The following CNTNAP5 variants were observed in gnomAD, a reference collection of about 807,000 sequenced individuals.
CNTNAP5 encodes the protein contactin-associated protein-like 5.
In CNTNAP5, 72 loss-of-function variants were observed where a neutral mutation model predicts 150.2. The observed-to-expected ratio is 0.48, with a 90% confidence interval of 0.40 to 0.58. CNTNAP5 has a LOEUF of 0.58. Among genes scored for constraint, CNTNAP5 ranks in the 20% least tolerant of loss-of-function variants. The pLI is 0.00. For synonymous variants in CNTNAP5, 672 were observed against 619.8 expected (o/e 1.08, Z -1.25); for missense variants, 1,636 against 1,626.2 (o/e 1.01, Z -0.10).
At chr2:124,193,939 C>T (rs1360700904) in intron 1 of CNTNAP5, among the ~76,000 whole-genome samples, 1 of 152,016 alleles carries the variant, frequency 6.6e-6, no homozygotes, top group East Asian at 1.9e-4. Context: ...GAAGTGAGAC[C>T]CAGCAGGACC....
chr2:124,160,278 T>C (rs1382409004), intron 1 of CNTNAP5, among the ~76,000 whole-genome samples: 2 of 152,144 alleles, frequency 1.3e-5, no homozygotes, highest in Admixed American at 6.6e-5. Flanking sequence ...TTCACTCTTT[T>C]ATAAGAGTCT....
intron 3 of CNTNAP5, among the ~76,000 whole-genome samples, chr2:124,356,306 C>CT (rs201900685): frequency 0.043 from 6,029 of 139,966 alleles, 325 homozygotes; most frequent in African/African-American, 0.13. Context: ...ACCTCAACAT[C>CT]TTTTTTTTTT....
chr2:124,426,808 C>T (rs1692248777), intron 4 of CNTNAP5, among the ~76,000 whole-genome samples: 1 of 152,202 alleles, frequency 6.6e-6, no homozygotes, highest in African/African-American at 2.4e-5. Context: ...CAAGCTGTGG[C>T]AGCCAGGTCA....
At chr2:124,899,401 A>G (rs1678371624) in intron 21 of CNTNAP5, among the ~76,000 whole-genome samples, 1 of 151,476 alleles carries the variant, frequency 6.6e-6, no homozygotes, top group African/African-American at 2.4e-5. Context: ...CTGTTTTTAC[A>G]TCACCCTTGG....
At chr2:124,686,970 T>A (rs570062212) in intron 13 of CNTNAP5, among the ~76,000 whole-genome samples, 1 of 152,124 alleles carries the variant, frequency 6.6e-6, no homozygotes, top group Non-Finnish European at 1.5e-5. Flanking sequence ...CTGTCCAATA[T>A]GGCAGCCACT....
At chr2:124,249,362 T>C (rs79003620) in intron 3 of CNTNAP5, among the ~76,000 whole-genome samples, 3,011 of 152,284 alleles carry the variant, frequency 0.02, 31 homozygotes, top group East Asian at 0.031. Context: ...TTTAATCAAC[T>C]AAGAGCCAGG....
At chr2:124,252,680 C>T (rs906021485) in intron 3 of CNTNAP5, among the ~76,000 whole-genome samples, 10 of 152,136 alleles carry the variant, frequency 6.6e-5, no homozygotes, top group Admixed American at 1.3e-4. Flanking sequence ...AATGACAACT[C>T]AATGAATGGC....
At chr2:124,768,307 G>GTGTGTGTGTGTGTATGTATA (rs761983407) in intron 16 of CNTNAP5, among the ~76,000 whole-genome samples, 1 of 144,618 alleles carries the variant, frequency 6.9e-6, no homozygotes, top group Admixed American at 6.9e-5. Flanking sequence ...GTGTGTGTGT[G>GTGTGTGTGTGTGTATGTATA]TGTATATGTA....
chr2:124,627,876 A>G (rs376560803), intron 12 of CNTNAP5, among the ~76,000 whole-genome samples: 3 of 152,218 alleles, frequency 2.0e-5, no homozygotes, highest in Non-Finnish European at 4.4e-5. Flanking sequence ...AACATAAATG[A>G]CCTGATGGAG....
At chr2:124,516,045 G>C (rs1475884357) in intron 8 of CNTNAP5, among the ~76,000 whole-genome samples, 1 of 152,138 alleles carries the variant, frequency 6.6e-6, no homozygotes, top group Admixed American at 6.5e-5. Context: ...GAAATTTCCA[G>C]CTTCAGGGAT....
intron 14 of CNTNAP5, among the ~76,000 whole-genome samples, chr2:124,756,776 A>G (rs1680848739): frequency 6.6e-6 from 1 of 152,002 alleles, no homozygotes; most frequent in African/African-American, 2.4e-5. Flanking sequence ...GAGGGTTGGG[A>G]GTGGGAGGAG....
intron 11 of CNTNAP5, among the ~76,000 whole-genome samples, chr2:124,571,531 T>TTCTTTTTCTCTTTTTTTTCTTTTTTC (rs1558959203): frequency 1.1e-5 from 1 of 91,656 alleles, no homozygotes; most frequent in African/African-American, 4.2e-5. Flanking sequence ...TTTTTTCTTT[T>TTCTTTTTCTCTTTTTTTTCTTTTTTC]TTTTTTTTTT....
At chr2:124,717,504 TC>T (rs1679968767) in intron 13 of CNTNAP5, among the ~76,000 whole-genome samples, 1 of 152,160 alleles carries the variant, frequency 6.6e-6, no homozygotes, top group African/African-American at 2.4e-5. Flanking sequence ...ACATCAGTGT[TC>T]CCCCAAACCC....
At chr2:124,335,928 A>G (rs773103808) in intron 3 of CNTNAP5, among the ~76,000 whole-genome samples, 2 of 152,112 alleles carry the variant, frequency 1.3e-5, no homozygotes, top group African/African-American at 2.4e-5. Context: ...TGATTAATAC[A>G]AGAAAGGACA....
intron 1 of CNTNAP5, among the ~76,000 whole-genome samples, chr2:124,155,855 C>T (rs893587028): frequency 6.6e-6 from 1 of 152,166 alleles, no homozygotes; most frequent in Non-Finnish European, 1.5e-5. Flanking sequence ...ATCTGTGATA[C>T]TTCAGGGAAA....
At chr2:124,821,041 A>T (rs1218090231) in intron 19 of CNTNAP5, among the ~76,000 whole-genome samples, 2 of 152,252 alleles carry the variant, frequency 1.3e-5, no homozygotes, top group Non-Finnish European at 2.9e-5. Flanking sequence ...TATTCCCAAC[A>T]TCGCCAGGCA....
intron 1 of CNTNAP5, among the ~76,000 whole-genome samples, chr2:124,187,091 T>C (rs933478882): frequency 6.6e-6 from 1 of 152,006 alleles, no homozygotes; most frequent in Non-Finnish European, 1.5e-5. Context: ...TACAGTACAA[T>C]AACAGCTTCT....
intron 12 of CNTNAP5, among the ~76,000 whole-genome samples, chr2:124,645,907 AAG>A (rs958507186): frequency 6.6e-6 from 1 of 152,066 alleles, no homozygotes; most frequent in Admixed American, 6.5e-5. Flanking sequence ...GAGCAGGAGC[AAG>A]AGAGAGAGTG....
At chr2:124,415,126 G>A (rs1691884397) in intron 3 of CNTNAP5, among the ~76,000 whole-genome samples, 1 of 152,178 alleles carries the variant, frequency 6.6e-6, no homozygotes, top group African/African-American at 2.4e-5. Flanking sequence ...TGTGCCAGAT[G>A]CTAGTGCTGG....
Sources: allele counts gnomAD v4.1 joint callset (sites outside exome capture counted in the v4.1 genomes callset), GRCh38; gene constraint gnomAD v4.1.1; transcripts MANE v1.5; gene names NCBI Gene and HGNC (gene_info 2026-07-23, HGNC 2026-07-21).